Variants in NAA11 observed in about 807,000 individuals in gnomAD.
NAA11 encodes the protein N-alpha-acetyltransferase 11.
In NAA11, 15 loss-of-function variants were observed where a neutral mutation model predicts 16.1. The ratio of observed to expected loss-of-function variants is 0.93; its 90% CI spans 0.62 to 1.44. NAA11 has a LOEUF of 1.44. Ranked by LOEUF, NAA11 falls within the 40% of genes most tolerant of loss-of-function variation. The pLI is 0.00. For synonymous variants in NAA11, 122 were observed against 112.4 expected, an observed-to-expected ratio of 1.09 and a Z score of -0.54; for missense variants, 298 against 291.3, an observed-to-expected ratio of 1.02 and a Z score of -0.17.
At chr4:79,189,497 C>T in the NAA11 span, among the ~76,000 whole-genome samples, 6 of 152,118 alleles carry the variant, frequency 3.9e-5, no homozygotes, top group Admixed American at 2.0e-4. Context: ...AAGTGGCATT[C>T]GGAGTGGGAA....
intron 1 of NAA11, among the ~76,000 whole-genome samples, chr4:79,300,061 C>G (rs17441732): frequency 0.44 from 66,120 of 151,872 alleles, 14,907 homozygotes; most frequent in Middle Eastern, 0.53. Context: ...ATCTGTTGTA[C>G]CTTCCCAAAG....
intron 2 of NAA11, among the ~76,000 whole-genome samples, chr4:79,226,961 G>A (rs1721331309): frequency 6.6e-6 from 1 of 152,054 alleles, no homozygotes; most frequent in Admixed American, 6.6e-5. Flanking sequence ...GGATGGCTGG[G>A]TCAAATGGTA....
intron 2 of NAA11, among the ~76,000 whole-genome samples, chr4:79,276,675 G>A (rs1215057864): frequency 6.6e-6 from 1 of 152,144 alleles, no homozygotes; most frequent in Non-Finnish European, 1.5e-5. Flanking sequence ...AGTGGCACTT[G>A]TGCTTTAGTC....
intron 2 of NAA11, among the ~76,000 whole-genome samples, chr4:79,277,809 A>G (rs984868699): frequency 6.6e-6 from 1 of 152,216 alleles, no homozygotes. Context: ...CAGCAGCAGG[A>G]GCCACATGCG....
At position 79,325,478 on chromosome 4, in the gene NAA11, C is replaced by A. The variant is rs1241637426; in HGVS notation, c.400G>T (p.Glu134Ter). 6.2e-7 allele frequency: 1 copy of A among 1,614,096 alleles called. No homozygotes were observed. Among genetic ancestry groups the A allele is most frequent in the African/African-American group, 1.3e-5 (1 of 74,932 alleles). ...TCCCCATCTGCATAGTATTTAGGTTCCACCTCACTAATCTGAAAGTTGAGG... is the reference window on the plus strand; with the variant it reads ...TCCCCATCTGCATAGTATTTAGGTTACACCTCACTAATCTGAAAGTTGAGG... Reference protein sequence around the residue: ...NTLNFQISEVEPKYYADGEDA... With the variant: ...NTLNFQISEV The change falls in exon 1 of 2, where the codon GAA (glutamate) becomes TAA (stop). Residue 134 changes from glutamate to a stop codon, truncating the protein, a stop_gained. Coordinates refer to ENST00000286794, the MANE Select transcript of NAA11 (RefSeq NM_032693.3). LOFTEE classifies it high-confidence loss of function.
At chr4:79,266,692 C>T (rs1435505448) in intron 2 of NAA11, among the ~76,000 whole-genome samples, 1 of 152,146 alleles carries the variant, frequency 6.6e-6, no homozygotes, top group Admixed American at 6.5e-5. Context: ...GTTGAAGGCA[C>T]CTGAAGAACT....
At chr4:79,320,483 T>C (rs1724059275) in intron 1 of NAA11, among the ~76,000 whole-genome samples, 1 of 152,188 alleles carries the variant, frequency 6.6e-6, no homozygotes, top group Admixed American at 6.5e-5. Flanking sequence ...CCACCTGAGT[T>C]TGCATCCTTG....
At chr4:79,200,029 G>T in the NAA11 span, among the ~76,000 whole-genome samples, 1 of 151,740 alleles carries the variant, frequency 6.6e-6, no homozygotes, top group African/African-American at 2.4e-5. Flanking sequence ...TTGCTAATGT[G>T]CTTCCTCATT....
At chr4:79,210,126 G>A in the NAA11 span, among the ~76,000 whole-genome samples, 2 of 152,154 alleles carry the variant, frequency 1.3e-5, no homozygotes, top group African/African-American at 4.8e-5. Flanking sequence ...TGAGCAACAA[G>A]GCTGTTGATT....
chr4:79,181,486 A>G, the NAA11 span, among the ~76,000 whole-genome samples: 523 of 152,296 alleles, frequency 3.4e-3, 7 homozygotes, highest in African/African-American at 0.012. Context: ...TTCACTCCTT[A>G]GAAAGTTCAA....
the NAA11 span, among the ~76,000 whole-genome samples, chr4:79,190,701 T>G: frequency 1.3e-5 from 2 of 152,136 alleles, no homozygotes; most frequent in Non-Finnish European, 2.9e-5. Context: ...TGAGGGTACA[T>G]GTGAAGATTT....
chr4:79,314,899 T>A (rs1723882460), downstream of NAA11, among the ~76,000 whole-genome samples: 1 of 152,130 alleles, frequency 6.6e-6, no homozygotes, highest in African/African-American at 2.4e-5. Context: ...TATACACTTT[T>A]TTGTTGTACA....
intron 2 of NAA11, among the ~76,000 whole-genome samples, chr4:79,284,589 G>GTCTTTAAGAATGTGCATACTCA (rs1364100626): frequency 1.9e-5 from 2 of 108,026 alleles, no homozygotes; most frequent in Admixed American, 9.1e-5. Context: ...AATGATTGAG[G>GTCTTTAAGAATGTGCATACTCA]GCCGGGCGCG....
At position 79,325,374 on chromosome 4, in the gene NAA11, C is replaced by T. The variant is rs765283253; in HGVS notation, c.504G>A (p.Gly168=). Residue 168 remains glycine, a synonymous_variant, in exon 1 of 2, where the codon GGG becomes GGA. Coordinates refer to ENST00000286794, the MANE Select transcript of NAA11 (RefSeq NM_032693.3). The part of the protein sequence containing the change: ...LRRQMDLKKG[G]YVVLGSRENQ... ...TCTCCCTGGAGCCCAGGACCACATA[C>T]CCGCCCTTCTTCAGGTCCATTTGTC... The T allele has an allele frequency of 6.2e-7, 1 of 1,614,030 alleles. No homozygotes were observed. Among genetic ancestry groups the T allele is most frequent in the African/African-American group, 1.3e-5 (1 of 75,026 alleles).
intron 2 of NAA11, among the ~76,000 whole-genome samples, chr4:79,269,510 G>C (rs1722436615): frequency 1.3e-5 from 2 of 150,400 alleles, no homozygotes; most frequent in Non-Finnish European, 3.0e-5. Flanking sequence ...CTTTTGAGAA[G>C]TGTCTGTTCA....
At chr4:79,268,212 T>C (rs1260595890) in intron 2 of NAA11, among the ~76,000 whole-genome samples, 2 of 152,146 alleles carry the variant, frequency 1.3e-5, no homozygotes, top group Non-Finnish European at 2.9e-5. Flanking sequence ...TTAAAAAATA[T>C]GATACAAACT....
rs149661474 is a variant in NAA11, at chr4:79,323,342, C to G, written c.*12+1834G>C. ...ATTAAGTTGTTTCTAACATACCAAT[C>G]CTTTAAAACTTAGTTTCAGTGGTTT... On this transcript the variant is annotated intron_variant, in intron 1 of 1. Coordinates refer to ENST00000286794, the MANE Select transcript of NAA11 (RefSeq NM_032693.3). Among the ~76,000 whole-genome samples the G allele has an allele frequency of 3.3e-5, 5 of 152,312 alleles. No homozygotes were observed. The East Asian group carries it at 9.6e-4, about 29-fold the overall frequency.
At position 79,325,660 on chromosome 4, in the gene NAA11, G is replaced by A; in HGVS notation, c.218C>T (p.Thr73Ile). 1 of 1,614,130 alleles carries A rather than the reference G, an allele frequency of 6.2e-7. No homozygotes were observed. Among genetic ancestry groups the A allele is most frequent in the South Asian group, 1.1e-5 (1 of 91,080 alleles). ...EPDDVPHGHI[T>I]SLAVKRSHRR... ...GTGTGAACGCTTCACGGCCAGTGAG[G>A]TGATATGGCCATGCGGGACATCATC... Residue 73 changes from threonine (T) to isoleucine (I), a missense_variant, in exon 1 of 2, where the codon ACC becomes ATC. Thr to Ile is a moderately conservative substitution (Grantham distance 89). Coordinates refer to ENST00000286794, the MANE Select transcript of NAA11 (RefSeq NM_032693.3).
intron 2 of NAA11, among the ~76,000 whole-genome samples, chr4:79,247,346 G>A (rs1721863598): frequency 6.6e-6 from 1 of 152,052 alleles, no homozygotes; most frequent in African/African-American, 2.4e-5. Context: ...ACATTTCTGA[G>A]AATTTCATAT....
Sources: allele counts gnomAD v4.1 joint callset (sites outside exome capture counted in the v4.1 genomes callset), GRCh38; gene constraint gnomAD v4.1.1; transcripts MANE v1.5; gene names NCBI Gene and HGNC (gene_info 2026-07-23, HGNC 2026-07-21).